CWC27: variants seen among roughly 807,000 people sequenced by gnomAD.
The protein encoded by CWC27 is CWC27 spliceosome associated cyclophilin.
In CWC27, 47 loss-of-function variants were observed where a neutral mutation model predicts 63.6. The observed-to-expected ratio is 0.74, with a 90% confidence interval of 0.58 to 0.94. CWC27 has a LOEUF of 0.94. Among genes scored for constraint, CWC27 ranks in the 40% least tolerant of loss-of-function variants. The pLI is 0.00. For synonymous variants in CWC27, 175 were observed against 179.8 expected (o/e 0.97, Z 0.22); for missense variants, 495 against 554.3 (o/e 0.89, Z 1.07).
At chr5:64,936,683 C>T (rs181958439) in intron 11 of CWC27, among the ~76,000 whole-genome samples, 2 of 152,302 alleles carry the variant, frequency 1.3e-5, no homozygotes, top group Admixed American at 6.5e-5. Flanking sequence ...GGTACCACCT[C>T]GTCTTTGTAG....
intron 11 of CWC27, among the ~76,000 whole-genome samples, chr5:64,943,372 A>G (rs561972840): frequency 1.3e-5 from 2 of 152,372 alleles, no homozygotes; most frequent in Non-Finnish European, 2.9e-5. Flanking sequence ...GCTGCTTTTT[A>G]TACAGTATGC....
At chr5:64,833,173 C>T (rs1439113889) in intron 10 of CWC27, among the ~76,000 whole-genome samples, 1 of 151,774 alleles carries the variant, frequency 6.6e-6, no homozygotes, top group Non-Finnish European at 1.5e-5. Context: ...ACATACCCCC[C>T]CACACAGATT....
chr5:64,864,332 T>C (rs939850775), intron 10 of CWC27, among the ~76,000 whole-genome samples: 3 of 152,224 alleles, frequency 2.0e-5, no homozygotes, highest in Admixed American at 6.5e-5. Context: ...AGCACCTCCT[T>C]GGCTCTGCCA....
chr5:64,869,613 C>T (rs1746615362), intron 10 of CWC27, among the ~76,000 whole-genome samples: 1 of 152,038 alleles, frequency 6.6e-6, no homozygotes, highest in Admixed American at 6.6e-5. Flanking sequence ...ACTAGTGACT[C>T]TGAGGATAAA....
chr5:64,975,532 T>G (rs1749214173), intron 12 of CWC27, among the ~76,000 whole-genome samples: 1 of 152,118 alleles, frequency 6.6e-6, no homozygotes, highest in African/African-American at 2.4e-5. Context: ...TTTTCTAGCT[T>G]CTGTTGTCTG....
intron 10 of CWC27, among the ~76,000 whole-genome samples, chr5:64,826,697 TTTTTTG>T (rs1421889035): frequency 9.8e-6 from 1 of 102,040 alleles, no homozygotes; most frequent in Non-Finnish European, 2.1e-5. Flanking sequence ...ACTTTGGTGT[TTTTTTG>T]TTTTTTTTTT....
intron 11 of CWC27, among the ~76,000 whole-genome samples, chr5:64,959,382 G>T (rs1398296203): frequency 6.6e-6 from 1 of 151,982 alleles, no homozygotes; most frequent in African/African-American, 2.4e-5. Context: ...TCATTTTATT[G>T]TCACAGAATA....
Position 64,800,379 on chromosome 5 carries a change from A to G in CWC27, c.749+52A>G, listed in dbSNP as rs749075285. ...AGTTCTTAATTTTCTGGCTCAGATA[A>G]TTTTCTTGCTTCTTCTGTGAGTAAA... On this transcript the variant is annotated intron_variant, in intron 8 of 13. Transcript: ENST00000381070. The G allele has an allele frequency of 5.8e-6, 8 of 1,369,686 alleles. No homozygotes were observed. The South Asian group carries it at 1.0e-4, about 17-fold the overall frequency. The allele number at this position is 1,369,686 out of a possible 1,614,324, so 84.8% of individuals were successfully genotyped here.
chr5:64,891,046 G>A (rs1389615840), intron 11 of CWC27, among the ~76,000 whole-genome samples: 1 of 152,086 alleles, frequency 6.6e-6, no homozygotes, highest in Non-Finnish European at 1.5e-5. Flanking sequence ...GAACATAAGA[G>A]TCAAATATTA....
chr5:64,913,545 A>G (rs1176341675), intron 11 of CWC27, among the ~76,000 whole-genome samples: 2 of 152,078 alleles, frequency 1.3e-5, no homozygotes, highest in African/African-American at 4.8e-5. Flanking sequence ...TACATAATTC[A>G]GTTGTATTTT....
At chr5:64,871,688 A>C (rs945649712) in intron 10 of CWC27, among the ~76,000 whole-genome samples, 2 of 152,060 alleles carry the variant, frequency 1.3e-5, no homozygotes, top group Non-Finnish European at 2.9e-5. Flanking sequence ...TATTGTTTAA[A>C]ATATTGTTCT....
At chr5:64,837,407 G>T (rs1437352801) in intron 10 of CWC27, among the ~76,000 whole-genome samples, 2 of 151,848 alleles carry the variant, frequency 1.3e-5, no homozygotes. Flanking sequence ...CAGACCTTTT[G>T]TAGACAGTTA....
chr5:64,921,844 C>CAGGTCTAAT (rs1748004704), intron 11 of CWC27, among the ~76,000 whole-genome samples: 1 of 152,136 alleles, frequency 6.6e-6, no homozygotes, highest in African/African-American at 2.4e-5. Context: ...TCTTGTAAGG[C>CAGGTCTAAT]AGGTCTAATG....
At chr5:64,920,195 C>A (rs1233048752) in intron 11 of CWC27, among the ~76,000 whole-genome samples, 1 of 152,148 alleles carries the variant, frequency 6.6e-6, no homozygotes, top group Admixed American at 6.5e-5. Context: ...TCTCAAACTC[C>A]TGACCTCAGG....
intron 10 of CWC27, among the ~76,000 whole-genome samples, chr5:64,816,427 C>A (rs1745032499): frequency 6.6e-6 from 1 of 152,066 alleles, no homozygotes; most frequent in Non-Finnish European, 1.5e-5. Context: ...GTCGTATGAC[C>A]AAATTTTGGC....
chr5:64,888,932 T>C (rs987985328), intron 11 of CWC27, among the ~76,000 whole-genome samples: 1 of 152,242 alleles, frequency 6.6e-6, no homozygotes. Context: ...ATCGAGGTAA[T>C]ATCACCAACA....
intron 11 of CWC27, among the ~76,000 whole-genome samples, chr5:64,912,290 C>A (rs79965861): frequency 6.6e-6 from 1 of 151,756 alleles, no homozygotes; most frequent in East Asian, 1.9e-4. Flanking sequence ...GCCCAACACA[C>A]AATAAAAAAT....
At position 64,781,903 on chromosome 5, in the gene CWC27, T is replaced by C. The variant is rs762857746; in HGVS notation, c.140-18T>C. The C allele has an allele frequency of 7.6e-7, 1 of 1,315,580 alleles. No individual in the cohort carries two copies. The highest frequency in any genetic ancestry group is 1.3e-5 in the South Asian group (1 of 78,744). 81.5% of individuals were successfully genotyped at this position (1,315,580 alleles called of 1,614,324 possible). A position where few individuals can be genotyped will look rare whatever the true frequency, so the allele number is the denominator to read the frequency against. ...ATTAATTTTAGACATTGATAAATTA[T>C]TTTTATTTTTTTTTCAGCTTATTAT... On this transcript the variant is annotated intron_variant, in intron 2 of 13. Transcript: ENST00000381070.
In CWC27 at chr5:64,820,267, C is replaced by A. The variant is rs139431222; in HGVS notation, c.938+15881C>A. ...GAAATATACTATGCCAAAGGGCACA[C>A]TTCATCTGGGCTCTTTAAGGTGAAA... On this transcript the variant is annotated intron_variant, in intron 10 of 13. Transcript: ENST00000381070. Among the ~76,000 whole-genome samples the A allele has an allele frequency of 9.2e-3, 1,403 of 152,310 alleles. 9 individuals are homozygous for A. Among genetic ancestry groups the A allele is most frequent in the Non-Finnish European group, 0.015 (1,038 of 68,014 alleles).
Sources: gnomAD v4.1 joint callset for allele counts (sites outside exome capture counted in the v4.1 genomes callset) on GRCh38, gnomAD v4.1.1 for gene constraint, MANE v1.5 for transcripts, NCBI Gene and HGNC (gene_info 2026-07-23, HGNC 2026-07-21) for gene names.